The following ATE1 variants were observed in gnomAD, a reference collection of about 807,000 sequenced individuals.
The protein encoded by ATE1 is arginyltransferase 1, also known as arginyl-tRNA--protein transferase 1.
In ATE1, 36 loss-of-function variants were observed where a neutral mutation model predicts 70.5. The ratio of observed to expected loss-of-function variants is 0.51; its 90% CI spans 0.39 to 0.67. The LOEUF (loss-of-function observed/expected upper bound fraction) is 0.67, where lower values mean the gene tolerates loss of function less well. Among genes scored for constraint, ATE1 ranks in the 30% least tolerant of loss-of-function variants. ATE1 has a pLI of 0.00. For synonymous variants in ATE1, 232 were observed against 219.3 expected (o/e 1.06, Z -0.51); for missense variants, 593 against 629.5 (o/e 0.94, Z 0.62).
rs144902272 is a variant in ATE1 at position 121,769,933 on chromosome 10, C to A, written c.1378+20236G>T. ...TTGGGAATGTAAAATGGCAGCCATGCCGGAAAATAGTTTGGCAGTTTCTTA... is the reference window on the plus strand; with the variant it reads ...TTGGGAATGTAAAATGGCAGCCATGACGGAAAATAGTTTGGCAGTTTCTTA... On this transcript the variant is annotated intron_variant, in intron 11 of 11. Coordinates refer to ENST00000224652, the MANE Select transcript of ATE1 (RefSeq NM_001001976.3). Among the ~76,000 whole-genome samples, 467 of 152,292 alleles carry A rather than the reference C, an allele frequency of 3.1e-3. 3 individuals are homozygous for A. Among genetic ancestry groups the A allele is most frequent in the South Asian group, 0.013 (65 of 4,828 alleles).
At chr10:121,914,268 T>C (rs573372068) in intron 3 of ATE1, among the ~76,000 whole-genome samples, 6 of 152,196 alleles carry the variant, frequency 3.9e-5, no homozygotes, top group Non-Finnish European at 5.9e-5. Flanking sequence ...GGTTTCACCA[T>C]GTTGGTCAGG....
chr10:121,753,204 G>C (rs1312363891), intron 11 of ATE1, among the ~76,000 whole-genome samples: 3 of 152,114 alleles, frequency 2.0e-5, no homozygotes, highest in African/African-American at 7.2e-5. Flanking sequence ...TTATTTGATA[G>C]TTCTTTACAT....
chr10:121,848,981 C>T lies in ATE1; in HGVS notation c.976-7718G>A, dbSNP rs188672720. 3.3e-3 allele frequency among the ~76,000 whole-genome samples: 493 copies of T among 151,536 alleles called. 2 individuals are homozygous for T. Among genetic ancestry groups the T allele is most frequent in the Non-Finnish European group, 5.5e-3 (374 of 67,916 alleles). On this transcript the variant is annotated intron_variant, in intron 8 of 11. Coordinates refer to ENST00000224652, the MANE Select transcript of ATE1 (RefSeq NM_001001976.3). ...ATCCCAGCACTTTGGGAGGCCGAAG[C>T]GGGCAGATCACCTGAGGTCAGGAGT...
At chr10:121,813,732 T>C (rs750082234) in intron 10 of ATE1, among the ~76,000 whole-genome samples, 4 of 152,164 alleles carry the variant, frequency 2.6e-5, no homozygotes, top group African/African-American at 4.8e-5. Context: ...AGGAGGTTAT[T>C]TATGTCCCCT....
chr10:121,869,029 T>C (rs1949760806), intron 8 of ATE1, among the ~76,000 whole-genome samples: 1 of 152,038 alleles, frequency 6.6e-6, no homozygotes, highest in Admixed American at 6.6e-5. Flanking sequence ...AAATAAACAA[T>C]AGGCACAAAG....
Position 121,842,728 on chromosome 10 carries a change from T to A in ATE1, c.976-1465A>T, listed in dbSNP as rs1363149638. On this transcript the variant is annotated intron_variant, in intron 8 of 11. Coordinates refer to ENST00000224652, the MANE Select transcript of ATE1 (RefSeq NM_001001976.3). ...TGAACAATCAATGTAATTCACCACA[T>A]CAATAGGTCAAAAGAAGAAGTATCA... Among the ~76,000 whole-genome samples, 9 of 152,118 alleles carry A rather than the reference T, an allele frequency of 5.9e-5. No individual in the cohort carries two copies. The East Asian group carries it at 1.7e-3, about 29-fold the overall frequency.
At chr10:121,791,810 A>G (rs185161051) in intron 10 of ATE1, among the ~76,000 whole-genome samples, 8 of 152,322 alleles carry the variant, frequency 5.3e-5, no homozygotes, top group Admixed American at 4.6e-4. Flanking sequence ...CTCATGAACC[A>G]CCAAAACTGC....
chr10:121,879,820 A>G (rs1950173534), intron 7 of ATE1, among the ~76,000 whole-genome samples: 1 of 152,196 alleles, frequency 6.6e-6, no homozygotes, highest in Non-Finnish European at 1.5e-5. Context: ...CCTTCTTGGG[A>G]ACATCCATGT....
chr10:121,913,588 G>A (rs1038385536), intron 4 of ATE1, among the ~76,000 whole-genome samples: 2 of 131,318 alleles, frequency 1.5e-5, no homozygotes, highest in African/African-American at 5.3e-5. Context: ...TTCTTTCCAC[G>A]CTAAACTCTT....
chr10:121,831,334 T>C (rs1294309525), intron 10 of ATE1, among the ~76,000 whole-genome samples: 1 of 152,220 alleles, frequency 6.6e-6, no homozygotes, highest in Non-Finnish European at 1.5e-5. Context: ...AACTCATATT[T>C]TGCATATAAA....
intron 3 of ATE1, among the ~76,000 whole-genome samples, chr10:121,921,581 T>A (rs565872848): frequency 6.6e-6 from 1 of 151,934 alleles, no homozygotes; most frequent in Non-Finnish European, 1.5e-5. Context: ...AGAAGTACAA[T>A]GAATGTCATG....
At chr10:121,864,120 A>C (rs1019089840) in intron 8 of ATE1, among the ~76,000 whole-genome samples, 9 of 152,240 alleles carry the variant, frequency 5.9e-5, no homozygotes, top group Non-Finnish European at 8.8e-5. Context: ...TAAAAAATTT[A>C]AAATTCAGTT....
At chr10:121,804,321 A>G (rs1259587162) in intron 10 of ATE1, among the ~76,000 whole-genome samples, 1 of 152,206 alleles carries the variant, frequency 6.6e-6, no homozygotes, top group Non-Finnish European at 1.5e-5. Flanking sequence ...AAGTTCTTCT[A>G]CAATGGCACC....
At chr10:121,869,375 T>C (rs1295234113) in intron 8 of ATE1, among the ~76,000 whole-genome samples, 1 of 152,256 alleles carries the variant, frequency 6.6e-6, no homozygotes. Flanking sequence ...CAAGTTTTTC[T>C]GCAAATGCAG....
At chr10:121,883,981 C>G (rs539962558) in intron 7 of ATE1, among the ~76,000 whole-genome samples, 5 of 151,840 alleles carry the variant, frequency 3.3e-5, no homozygotes, top group African/African-American at 1.2e-4. Context: ...TGGCGAGCAC[C>G]TGTAATCCCA....
intron 8 of ATE1, among the ~76,000 whole-genome samples, chr10:121,843,476 G>A (rs1412377298): frequency 2.6e-5 from 4 of 152,152 alleles, no homozygotes; most frequent in East Asian, 1.9e-4. Flanking sequence ...TCAGACTAGC[G>A]AACCCAATAC....
rs116746018 is a variant in ATE1, at chr10:121,884,690, C to T, written c.943-14652G>A. On this transcript the variant is annotated intron_variant, in intron 7 of 11. Coordinates refer to ENST00000224652, the MANE Select transcript of ATE1 (RefSeq NM_001001976.3). Reference sequence around the variant, plus strand: ...CCCAGTGCTAGTTTTGACTCCACCCCTTTGGATCTCCCCAAAAAGGAACAT... The same window carrying T: ...CCCAGTGCTAGTTTTGACTCCACCCTTTTGGATCTCCCCAAAAAGGAACAT... Among the ~76,000 whole-genome samples the T allele has an allele frequency of 5.7e-3, 861 of 152,272 alleles. 8 individuals carry two copies. Among genetic ancestry groups the T allele is most frequent in the African/African-American group, 0.02 (825 of 41,542 alleles).
chr10:121,771,128 G>A (rs1945499911), intron 11 of ATE1, among the ~76,000 whole-genome samples: 1 of 152,112 alleles, frequency 6.6e-6, no homozygotes, highest in Non-Finnish European at 1.5e-5. Context: ...CTGGAGTGCA[G>A]TGGCGCAATC....
Position 121,790,302 on chromosome 10 carries a change from G to A in ATE1, c.1258-13C>T, listed in dbSNP as rs1180016057. 1.9e-6 allele frequency: 3 copies of A among 1,609,636 alleles called. No individual in the cohort carries two copies. Among genetic ancestry groups the A allele is most frequent in the Admixed American group, 1.7e-5 (1 of 58,914 alleles). Reference sequence around the variant, plus strand: ...GTCTATACTGACCCTGAAGAAAAGTGAAGGAAAAAGGCACAGGCATTATTA... The same window carrying A: ...GTCTATACTGACCCTGAAGAAAAGTAAAGGAAAAAGGCACAGGCATTATTA... On this transcript the variant is annotated splice_polypyrimidine_tract_variant and intron_variant, in intron 10 of 11. Coordinates refer to ENST00000224652, the MANE Select transcript of ATE1 (RefSeq NM_001001976.3).
Sources: gnomAD v4.1 joint callset for allele counts (sites outside exome capture counted in the v4.1 genomes callset) on GRCh38, gnomAD v4.1.1 for gene constraint, MANE v1.5 for transcripts, NCBI Gene and HGNC (gene_info 2026-07-23, HGNC 2026-07-21) for gene names.